The following SCN9A variants were observed in gnomAD, a reference collection of about 807,000 sequenced individuals.
SCN9A encodes sodium channel protein type 9 subunit alpha.
A neutral mutation model predicts 187.0 loss-of-function variants in SCN9A; 131 were observed. The ratio of observed to expected loss-of-function variants is 0.70; its 90% CI spans 0.61 to 0.81. The LOEUF is 0.81. SCN9A is among the 30% of genes least tolerant of loss of function. The pLI is 0.00. For synonymous variants in SCN9A, 809 were observed against 808.6 expected, an observed-to-expected ratio of 1.00 and a Z score of -0.01; for missense variants, 2,252 against 2,396.6, an observed-to-expected ratio of 0.94 and a Z score of 1.26.
Position 166,204,359 on chromosome 2 carries a change from C to A in SCN9A, c.4503+1G>T, listed in dbSNP as rs746241591. On this transcript the variant is annotated splice_donor_variant, in intron 25 of 26. Coordinates refer to ENST00000642356, the MANE Select transcript of SCN9A (RefSeq NM_001365536.1). LOFTEE classifies it high-confidence loss of function. ...TGCTAAAGATATATATATTTTTTTA[C>A]CCCTGGTCGAGGAATTGGCTTTTGT... 3.7e-6 allele frequency: 6 copies of A among 1,601,180 alleles called. No homozygotes were observed. Among genetic ancestry groups the A allele is most frequent in the Non-Finnish European group, 5.1e-6 (6 of 1,171,008 alleles).
At chr2:166,314,155 G>A (rs2105232348) in intron 1 of SCN9A, among the ~76,000 whole-genome samples, 1 of 152,280 alleles carries the variant, frequency 6.6e-6, no homozygotes, top group East Asian at 1.9e-4. Context: ...AATATTGTGA[G>A]AATTGCCAAA....
chr2:166,223,904 A>G (rs1694734561), intron 24 of SCN9A, among the ~76,000 whole-genome samples: 2 of 152,216 alleles, frequency 1.3e-5, no homozygotes, highest in African/African-American at 4.8e-5. Context: ...GAGTGGAAAG[A>G]AATTCTAAAT....
At chr2:166,298,512 A>G (rs1698416012) in intron 7 of SCN9A, among the ~76,000 whole-genome samples, 1 of 152,238 alleles carries the variant, frequency 6.6e-6, no homozygotes, top group African/African-American at 2.4e-5. Flanking sequence ...GAATTTGGAA[A>G]GGCATTTCGG....
chr2:166,374,930 A>AC, intron 1 of SCN9A, among the ~76,000 whole-genome samples: 1 of 152,028 alleles, frequency 6.6e-6, no homozygotes, highest in South Asian at 2.1e-4. Flanking sequence ...AAAAAAAAAA[A>AC]CTAAAATAAT....
chr2:166,343,603 T>C (rs1042772912), intron 1 of SCN9A, among the ~76,000 whole-genome samples: 2 of 151,992 alleles, frequency 1.3e-5, no homozygotes, highest in Non-Finnish European at 2.9e-5. Context: ...GGTTTCCTCA[T>C]TGAAAAAGTG....
intron 1 of SCN9A, among the ~76,000 whole-genome samples, chr2:166,340,745 C>G (rs565800474): frequency 3.9e-5 from 6 of 152,048 alleles, no homozygotes; most frequent in African/African-American, 1.2e-4. Context: ...CTCAGCCTCT[C>G]AAGTAGCTAG....
At chr2:166,207,528 C>A (rs1225579354) in intron 24 of SCN9A, among the ~76,000 whole-genome samples, 1 of 152,044 alleles carries the variant, frequency 6.6e-6, no homozygotes, top group Admixed American at 6.6e-5. Flanking sequence ...GCAACCTCCA[C>A]CTCCTGGGTT....
At chr2:166,259,103 A>G (rs867442201) in intron 17 of SCN9A, 48 of 151,726 alleles carry the variant, frequency 3.2e-4, no homozygotes, top group Middle Eastern at 6.3e-3. Context: ...GAACAACTGT[A>G]TATGTTTCTA....
In SCN9A at chr2:166,287,692, A is replaced by G. The variant is rs1373542507; in HGVS notation, c.1314+745T>C. ...AGTACAAGCCTTCTCAAACATTTAC[A>G]CTGAAGAATCTCTCTGGAAAGAGGA... On this transcript the variant is annotated intron_variant, in intron 10 of 26. Coordinates refer to ENST00000642356, the MANE Select transcript of SCN9A (RefSeq NM_001365536.1). Among the ~76,000 whole-genome samples, 3 of 151,986 alleles carry G rather than the reference A, an allele frequency of 2.0e-5. No individual in the cohort carries two copies. The East Asian group carries it at 5.8e-4, about 29-fold the overall frequency.
chr2:166,374,483 T>A (rs1444009638), intron 1 of SCN9A, among the ~76,000 whole-genome samples: 1 of 152,160 alleles, frequency 6.6e-6, no homozygotes, highest in Non-Finnish European at 1.5e-5. Context: ...TCAATAATTT[T>A]TAAAAAATCT....
In SCN9A at chr2:166,249,383, A is replaced by G. The variant is rs1472198040; in HGVS notation, c.3472+2382T>C. 7 of 152,130 alleles carry G rather than the reference A, an allele frequency of 4.6e-5. 1 individual carries two copies. The highest frequency in any genetic ancestry group is 3.9e-4 in the Admixed American group (6 of 15,258). 9.4% of individuals were successfully genotyped at this position (152,130 alleles called of 1,614,324 possible). On this transcript the variant is annotated intron_variant, in intron 18 of 26. Transcript: ENST00000642356. The stretch of plus-strand genomic sequence containing the variant: ...GTGCCTGGAACTGGACCTGGCACAC[A>G]GGTATTTAATAATTATTTGTTTACT...
chr2:166,198,870 A>G lies in SCN9A; in HGVS notation c.5769T>C (p.Asp1923=), dbSNP rs200024315. The change falls in exon 27 of 27, where the codon GAT becomes GAC. Residue 1923 remains aspartate (D), a synonymous_variant. Transcript: ENST00000642356. ...TATCTTTTTTATTGAGTAAATCATC[A>G]TCTCTGTCTCCATCTTTTATGTATA... is the stretch of plus-strand genomic sequence containing the variant. ...SSIYIKDGDR[D]DDLLNKKDMA... is the part of the protein sequence containing the mutation. 1.2e-6 allele frequency: 2 copies of G among 1,613,738 alleles called. No homozygotes were observed. Among genetic ancestry groups the G allele is most frequent in the Non-Finnish European group, 1.7e-6 (2 of 1,179,780 alleles).
intron 24 of SCN9A, among the ~76,000 whole-genome samples, chr2:166,205,586 C>A (rs919361653): frequency 2.6e-5 from 4 of 152,142 alleles, no homozygotes; most frequent in African/African-American, 9.7e-5. Context: ...CAATATCATT[C>A]AGGACATAGG....
chr2:166,212,816 G>C (rs887848597), intron 24 of SCN9A, among the ~76,000 whole-genome samples: 3 of 152,108 alleles, frequency 2.0e-5, no homozygotes, highest in Non-Finnish European at 2.9e-5. Flanking sequence ...GAAACTGGAA[G>C]TCAGTAATAG....
intron 9 of SCN9A, 39 bp downstream of exon 9, chr2:166,293,192 C>A (rs780520702): frequency 1.9e-6 from 3 of 1,549,030 alleles, no homozygotes; most frequent in Non-Finnish European, 2.6e-6. Flanking sequence ...GGTACATATG[C>A]CATTCAAAAA....
intron 18 of SCN9A, among the ~76,000 whole-genome samples, chr2:166,249,967 T>C (rs1695965371): frequency 6.6e-6 from 1 of 152,144 alleles, no homozygotes; most frequent in South Asian, 2.1e-4. Context: ...TACATGTTGA[T>C]GAAATTCTTA....
chr2:166,338,003 G>A (rs116048770), intron 1 of SCN9A, among the ~76,000 whole-genome samples: 1 of 152,026 alleles, frequency 6.6e-6, no homozygotes, highest in Non-Finnish European at 1.5e-5. Flanking sequence ...AATAAGAAGA[G>A]GTCTATGGAC....
At chr2:166,251,519 G>A (rs1696036537) in intron 18 of SCN9A, among the ~76,000 whole-genome samples, 3 of 152,140 alleles carry the variant, frequency 2.0e-5, no homozygotes. Flanking sequence ...AAAATAAGAA[G>A]TAGTAGCATG....
chr2:166,365,398 C>A (rs969160491), intron 1 of SCN9A, among the ~76,000 whole-genome samples: 13 of 152,034 alleles, frequency 8.6e-5, no homozygotes, highest in African/African-American at 2.7e-4. Context: ...TTACCCATGT[C>A]CAGAAAGAGA....
Sources: gnomAD v4.1 joint callset for allele counts (sites outside exome capture counted in the v4.1 genomes callset) on GRCh38, gnomAD v4.1.1 for gene constraint, MANE v1.5 for transcripts, NCBI Gene and HGNC (gene_info 2026-07-23, HGNC 2026-07-21) for gene names.